Variants in LYL1 observed in about 807,000 individuals in gnomAD.
The protein encoded by LYL1 is LYL1 basic helix-loop-helix family member, also known as protein lyl-1.
LYL1 carries 4 observed loss-of-function variants against 11.1 expected under a neutral mutation model. The observed-to-expected ratio is 0.36, with a 90% confidence interval of 0.18 to 0.82. The LOEUF is 0.82. Among genes scored for constraint, LYL1 ranks in the 40% least tolerant of loss-of-function variants. LYL1 has a pLI of 0.49. For missense variants in LYL1, 356 were observed against 397.6 expected (o/e 0.90, Z 0.89); for synonymous variants, 179 against 174.8 (o/e 1.02, Z -0.19).
At position 13,099,469 on chromosome 19, in the gene LYL1, T is replaced by C; in HGVS notation, c.693A>G (p.Pro231=). The part of the protein sequence containing the change: ...GPRKRPVHRV[P]DDGARRGSGR... Reference sequence around the variant, plus strand: ...CGGATCCCCGGCGGGCGCCGTCGTCTGGGACCCGGTGCACCGGCCGTTTGC... The same window carrying C: ...CGGATCCCCGGCGGGCGCCGTCGTCCGGGACCCGGTGCACCGGCCGTTTGC... The change falls in exon 4 of 4, where the codon CCA becomes CCG. Residue 231 remains proline (P), a synonymous_variant. Coordinates refer to ENST00000264824, the MANE Select transcript of LYL1 (RefSeq NM_005583.5). This position sits in a 1 kb window ranked among gnomAD's most constrained non-coding sequence, Gnocchi z 5.3. 1 of 1,274,428 alleles carries C rather than the reference T, an allele frequency of 7.8e-7. No homozygotes were observed. The highest frequency in any genetic ancestry group is 1.0e-6 in the Non-Finnish European group (1 of 1,002,554). 78.9% of individuals were successfully genotyped at this position (1,274,428 alleles called of 1,614,324 possible).
Position 13,101,503 on chromosome 19 carries a change from C to T in LYL1, c.-24-308G>A. ...CAAATATTCCTTCTTCCAGAATTCC[C>T]TCACCTCTGCAGCCTGGAGAGGGAA... On this transcript the variant is annotated intron_variant, in intron 1 of 3. Transcript: ENST00000264824. The surrounding 1 kb of genome is among the most constrained non-coding windows in gnomAD (Gnocchi z 5.1). 1 of 308,078 alleles carries T rather than the reference C, an allele frequency of 3.2e-6. No homozygotes were observed. Among genetic ancestry groups the T allele is most frequent in the East Asian group, 5.0e-5 (1 of 20,040 alleles). 19.1% of individuals were successfully genotyped at this position (308,078 alleles called of 1,614,324 possible). A position where few individuals can be genotyped will look rare whatever the true frequency, so the allele number is the denominator to read the frequency against.
Position 13,102,133 on chromosome 19 carries a change from G to C in LYL1, c.-25+398C>G, listed in dbSNP as rs868218460. 4.8e-6 allele frequency: 1 copy of C among 208,658 alleles called. No homozygotes were observed. The highest frequency in any genetic ancestry group is 2.3e-5 in the African/African-American group (1 of 43,774). The allele number at this position is 208,658 out of a possible 1,614,324, so 12.9% of individuals were successfully genotyped here. A position where few individuals can be genotyped will look rare whatever the true frequency, so the allele number is the denominator to read the frequency against. On this transcript the variant is annotated intron_variant, in intron 1 of 3. Transcript: ENST00000264824. The surrounding 1 kb of genome is among the most constrained non-coding windows in gnomAD (Gnocchi z 4.9). ...AGTACAGGCATGTGCCACCATGCCC[G>C]GCTAATTTAAAAAAAAAAATTTTTT... is the stretch of plus-strand genomic sequence containing the variant.
At position 13,101,401 on chromosome 19, in the gene LYL1, G is replaced by A. The variant is rs964343583; in HGVS notation, c.-24-206C>T. ...GGGGTCCTACGTTAGAGTAGGAGGC[G>A]CCCCCCAGGTGCTAGGCAGCGCACT... On this transcript the variant is annotated intron_variant, in intron 1 of 3. Coordinates refer to ENST00000264824, the MANE Select transcript of LYL1 (RefSeq NM_005583.5). This position sits in a 1 kb window ranked among gnomAD's most constrained non-coding sequence, Gnocchi z 5.1. 3 of 426,034 alleles carry A rather than the reference G, an allele frequency of 7.0e-6. No individual in the cohort carries two copies. Among genetic ancestry groups the A allele is most frequent in the East Asian group, 7.1e-5 (2 of 28,002 alleles). 26.4% of individuals were successfully genotyped at this position (426,034 alleles called of 1,614,324 possible).
At chr19:13,100,014 T>C (rs918428288) in intron 3 of LYL1, among the ~76,000 whole-genome samples, 2 of 144,544 alleles carry the variant, frequency 1.4e-5, no homozygotes, top group Non-Finnish European at 3.2e-5. Context: ...TTTCCTTGTG[T>C]TTGTTTGGTC....
In LYL1 at chr19:13,099,543, G is replaced by A. The variant is rs1229403324; in HGVS notation, c.619C>T (p.Arg207Cys). 2.0e-6 allele frequency: 3 copies of A among 1,511,742 alleles called. No homozygotes were observed. The highest frequency in any genetic ancestry group is 2.7e-6 in the Non-Finnish European group (3 of 1,126,890). The allele number at this position is 1,511,742 out of a possible 1,614,324, so 93.6% of individuals were successfully genotyped here. ...KYIGFLVRLLRDQAAALAAGP... is the reference protein window; with the variant it reads ...KYIGFLVRLLCDQAAALAAGP... ...GCGGCCAGAGCTGCGGCTTGGTCGC[G>A]CAGCAGCCGCACCAGGAAGCCGATG... Residue 207 changes from arginine to cysteine, a missense_variant, in exon 4 of 4, where the codon CGC becomes TGC. Physicochemically the swap from Arg to Cys is radical, Grantham distance 180. Coordinates refer to ENST00000264824, the MANE Select transcript of LYL1 (RefSeq NM_005583.5). This position sits in a 1 kb window ranked among gnomAD's most constrained non-coding sequence, Gnocchi z 5.3.
In LYL1 at chr19:13,099,441, G is replaced by C. The variant is rs1452426522; in HGVS notation, c.721C>G (p.Arg241Gly). The C allele has an allele frequency of 8.0e-7, 1 of 1,254,786 alleles. No homozygotes were observed. 77.7% of individuals were successfully genotyped at this position (1,254,786 alleles called of 1,614,324 possible). The change falls in exon 4 of 4, where the codon CGC becomes GGC. Residue 241 changes from arginine (R) to glycine (G), a missense_variant. Arg to Gly is a moderately radical substitution (Grantham distance 125, BLOSUM62 -2). Coordinates refer to ENST00000264824, the MANE Select transcript of LYL1 (RefSeq NM_005583.5). This position sits in a 1 kb window ranked among gnomAD's most constrained non-coding sequence, Gnocchi z 5.3. ...PDDGARRGSG[R>G]RAEAAARSQP... The stretch of plus-strand genomic sequence containing the variant: ...GAGCGCGCTGCCGCCTCGGCCCTGC[G>C]TCCGGATCCCCGGCGGGCGCCGTCG...
chr19:13,102,255 C>A lies in LYL1; in HGVS notation c.-25+276G>T. The A allele has an allele frequency of 4.9e-6, 1 of 202,722 alleles. No individual in the cohort carries two copies. Among genetic ancestry groups the A allele is most frequent in the Non-Finnish European group, 1.0e-5 (1 of 98,610 alleles). The allele number at this position is 202,722 out of a possible 1,614,324, so 12.6% of individuals were successfully genotyped here. ...TCAGCCTCCCAAAGTGCTGGGATTA[C>A]AGGCATGCACCACAATGCCCCGCGA... On this transcript the variant is annotated intron_variant, in intron 1 of 3. Transcript: ENST00000264824. The surrounding 1 kb of genome is among the most constrained non-coding windows in gnomAD (Gnocchi z 4.9).
rs757239284 is a variant in LYL1, at chr19:13,100,708, T to G, written c.376A>C (p.Ser126Arg). The change falls in exon 3 of 4, where the codon AGC becomes CGC. Residue 126 changes from serine (S) to arginine (R), a missense_variant. Ser to Arg is a moderately radical substitution (Grantham distance 110). Transcript: ENST00000264824. ...GPAGPFSIFP[S>R]SRLKRRPSHC... ...CTTGGTCTCCGCTTCAACCGGCTGC[T>G]AGGGAAGATGCTAAAAGGTCCTGCT... 22 of 1,614,102 alleles carry G rather than the reference T, an allele frequency of 1.4e-5. No homozygotes were observed. Among genetic ancestry groups the G allele is most frequent in the Non-Finnish European group, 1.5e-5 (18 of 1,180,040 alleles).
Position 13,101,021 on chromosome 19 carries a change from A to G in LYL1, c.151T>C (p.Ser51Pro). ...CCAGGTGGCAGCCTGGGGGGCGAGGAGCCTCCTCGGTGGCCCACCTCCTCC... is the reference window on the plus strand; with the variant it reads ...CCAGGTGGCAGCCTGGGGGGCGAGGGGCCTCCTCGGTGGCCCACCTCCTCC... ...QVEEVGHRGGSSPPRLPPGVP... is the reference protein window; with the variant it reads ...QVEEVGHRGGPSPPRLPPGVP... Residue 51 changes from serine (S) to proline (P), a missense_variant, in exon 2 of 4, where the codon TCC becomes CCC. Physicochemically the swap from Ser to Pro is moderately conservative, Grantham distance 74. Transcript: ENST00000264824. This position sits in a 1 kb window ranked among gnomAD's most constrained non-coding sequence, Gnocchi z 5.1. 1 of 1,476,552 alleles carries G rather than the reference A, an allele frequency of 6.8e-7. No homozygotes were observed. Among genetic ancestry groups the G allele is most frequent in the Non-Finnish European group, 9.0e-7 (1 of 1,114,808 alleles). The allele number at this position is 1,476,552 out of a possible 1,614,324, so 91.5% of individuals were successfully genotyped here.
chr19:13,099,871 G>T lies in LYL1; in HGVS notation c.428-137C>A. 1 of 727,616 alleles carries T rather than the reference G, an allele frequency of 1.4e-6. No homozygotes were observed. The highest frequency in any genetic ancestry group is 2.1e-6 in the Non-Finnish European group (1 of 486,558). The allele number at this position is 727,616 out of a possible 1,614,324, so 45.1% of individuals were successfully genotyped here. A position where few individuals can be genotyped will look rare whatever the true frequency, so the allele number is the denominator to read the frequency against. ...GGCTTTCTCCACCCAAGGGGTCCAC[G>T]GGCAGCTCTCCCCACCCCTCCCAAG... On this transcript the variant is annotated intron_variant, in intron 3 of 3. Transcript: ENST00000264824. The surrounding 1 kb of genome is among the most constrained non-coding windows in gnomAD (Gnocchi z 5.3).
Position 13,099,660 on chromosome 19 carries a change from C to T in LYL1, c.502G>A (p.Gly168Ser), listed in dbSNP as rs911333508. ...AGCTTCCTCAGCTCGGCGAAGGCGCCGTTAACGTTCTGCTGCCGCCAGCGC... is the reference window on the plus strand; with the variant it reads ...AGCTTCCTCAGCTCGGCGAAGGCGCTGTTAACGTTCTGCTGCCGCCAGCGC... ...RERWRQQNVN[G>S]AFAELRKLLP... The change falls in exon 4 of 4, where the codon GGC becomes AGC. Residue 168 changes from glycine (G) to serine (S), a missense_variant. Gly to Ser is a moderately conservative substitution (Grantham distance 56). Transcript: ENST00000264824. This position sits in a 1 kb window ranked among gnomAD's most constrained non-coding sequence, Gnocchi z 5.3. 14 of 1,551,410 alleles carry T rather than the reference C, an allele frequency of 9.0e-6. No individual in the cohort carries two copies. Among genetic ancestry groups the T allele is most frequent in the Non-Finnish European group, 1.2e-5 (14 of 1,148,290 alleles).
Position 13,099,350 on chromosome 19 carries a change from T to C in LYL1, c.812A>G (p.Glu271Gly). 1 of 1,284,620 alleles carries C rather than the reference T, an allele frequency of 7.8e-7. No individual in the cohort carries two copies. Among genetic ancestry groups the C allele is most frequent in the Non-Finnish European group, 9.9e-7 (1 of 1,014,042 alleles). The allele number at this position is 1,284,620 out of a possible 1,614,324, so 79.6% of individuals were successfully genotyped here. A position where few individuals can be genotyped will look rare whatever the true frequency, so the allele number is the denominator to read the frequency against. ...PGGAARPIKM[E>G]QTALSPEVR The stretch of plus-strand genomic sequence containing the variant: ...CACCTCTGGGCTCAAAGCGGTTTGC[T>C]CCATCTTGATGGGCCGGGCCGCTCC... The change falls in exon 4 of 4, where the codon GAG becomes GGG. Residue 271 changes from glutamate (E) to glycine (G), a missense_variant. By Grantham distance (98) the Glu-to-Gly change is moderately conservative (BLOSUM62 -2). Coordinates refer to ENST00000264824, the MANE Select transcript of LYL1 (RefSeq NM_005583.5). The surrounding 1 kb of genome is among the most constrained non-coding windows in gnomAD (Gnocchi z 5.3).
chr19:13,100,341 G>C (rs1434074879), intron 3 of LYL1, among the ~76,000 whole-genome samples: 2 of 152,204 alleles, frequency 1.3e-5, no homozygotes, highest in South Asian at 2.1e-4. Flanking sequence ...GCTGTCTTGC[G>C]TGGCTGCACA....
In LYL1 at chr19:13,099,755, G is replaced by A. The variant is rs2018650781; in HGVS notation, c.428-21C>T. ...GTGCCCTGTGGACAAGGAGGGCCGG[G>A]TTGGTGCCATGGCCCAAAGGGCGGC... On this transcript the variant is annotated intron_variant, in intron 3 of 3. Transcript: ENST00000264824. This position sits in a 1 kb window ranked among gnomAD's most constrained non-coding sequence, Gnocchi z 5.3. 1.4e-6 allele frequency: 2 copies of A among 1,425,538 alleles called. No individual in the cohort carries two copies. Among genetic ancestry groups the A allele is most frequent in the South Asian group, 1.4e-5 (1 of 69,604 alleles). 88.3% of individuals were successfully genotyped at this position (1,425,538 alleles called of 1,614,324 possible).
Position 13,100,925 on chromosome 19 carries a change from G to T in LYL1, c.247C>A (p.Leu83Met). Residue 83 changes from leucine (L) to methionine (M), a missense_variant, in exon 2 of 4, where the codon CTG becomes ATG. Leu to Met is a conservative substitution (Grantham distance 15). Transcript: ENST00000264824. ...GAGAGTTGCAGCAGCGGGGGCCGCAGAGTGCCCAGCTCTGTGGTGGGCATG... is the reference window on the plus strand; with the variant it reads ...GAGAGTTGCAGCAGCGGGGGCCGCATAGTGCCCAGCTCTGTGGTGGGCATG... Reference protein sequence around the residue: ...VAMPTTELGTLRPPLLQLSTL... With the variant: ...VAMPTTELGTMRPPLLQLSTL... The T allele has an allele frequency of 6.5e-7, 1 of 1,546,356 alleles. No individual in the cohort carries two copies. Among genetic ancestry groups the T allele is most frequent in the East Asian group, 2.4e-5 (1 of 42,338 alleles).
chr19:13,100,209 G>C (rs532754433), intron 3 of LYL1, among the ~76,000 whole-genome samples: 2 of 152,308 alleles, frequency 1.3e-5, no homozygotes, highest in Admixed American at 1.3e-4. Context: ...GCTGTTTCAC[G>C]AGTGGCTGTG....
chr19:13,101,234 G>C lies in LYL1; in HGVS notation c.-24-39C>G. 1 of 913,788 alleles carries C rather than the reference G, an allele frequency of 1.1e-6. No homozygotes were observed. Among genetic ancestry groups the C allele is most frequent in the Non-Finnish European group, 1.5e-6 (1 of 648,384 alleles). The allele number at this position is 913,788 out of a possible 1,614,324, so 56.6% of individuals were successfully genotyped here. A position where few individuals can be genotyped will look rare whatever the true frequency, so the allele number is the denominator to read the frequency against. On this transcript the variant is annotated intron_variant, in intron 1 of 3. Transcript: ENST00000264824. This position sits in a 1 kb window ranked among gnomAD's most constrained non-coding sequence, Gnocchi z 5.1. ...GGCAGCCAGTGGGGAGGAGGACTAG[G>C]TGCCCCGCTCCCACCTGCTTAGCTC...
Position 13,101,154 on chromosome 19 carries a change from T to A in LYL1, c.18A>T (p.Ala6=). 2 of 1,457,360 alleles carry A rather than the reference T, an allele frequency of 1.4e-6. No individual in the cohort carries two copies. The highest frequency in any genetic ancestry group is 9.0e-7 in the Non-Finnish European group (1 of 1,108,610). 90.3% of individuals were successfully genotyped at this position (1,457,360 alleles called of 1,614,324 possible). ...TCATGGTGGGGCCCACCTCTGCCTG[T>A]GCCTGAGGCGGGCACATGGACCCCG... is the stretch of plus-strand genomic sequence containing the variant. MCPPQ[A]QAEVGPTMTE... is the part of the protein sequence containing the mutation. Residue 6 remains alanine, a synonymous_variant, in exon 2 of 4, where the codon GCA becomes GCT. Coordinates refer to ENST00000264824, the MANE Select transcript of LYL1 (RefSeq NM_005583.5). The surrounding 1 kb of genome is among the most constrained non-coding windows in gnomAD (Gnocchi z 5.1).
Position 13,101,634 on chromosome 19 carries a change from T to TG in LYL1, c.-24-440_-24-439insC. On this transcript the variant is annotated intron_variant, in intron 1 of 3. Coordinates refer to ENST00000264824, the MANE Select transcript of LYL1 (RefSeq NM_005583.5). The surrounding 1 kb of genome is among the most constrained non-coding windows in gnomAD (Gnocchi z 5.1). Reference sequence around the variant, plus strand: ...AACCCAGAGACTCCTCATTAACTCATTGATGCCATGTGAGCTTGGAATCCC... The same window carrying TG: ...AACCCAGAGACTCCTCATTAACTCATGTGATGCCATGTGAGCTTGGAATCCC... 1 of 221,430 alleles carries TG rather than the reference T, an allele frequency of 4.5e-6. No homozygotes were observed. The highest frequency in any genetic ancestry group is 6.7e-5 in the East Asian group (1 of 14,998). The allele number at this position is 221,430 out of a possible 1,614,324, so 13.7% of individuals were successfully genotyped here.
Sources: allele counts gnomAD v4.1 joint callset (sites outside exome capture counted in the v4.1 genomes callset), GRCh38; gene constraint gnomAD v4.1.1; non-coding constraint Gnocchi (gnomAD v3.1); transcripts MANE v1.5; gene names NCBI Gene and HGNC (gene_info 2026-07-23, HGNC 2026-07-21).